Variants in DIP2C observed in about 807,000 individuals in gnomAD.
DIP2C encodes the protein DIP2 acetate--CoA ligase C (putative).
Under a neutral mutation model 192.4 loss-of-function variants are expected in DIP2C, and 33 were observed. The ratio of observed to expected loss-of-function variants is 0.17; its 90% confidence interval spans 0.13 to 0.23. The LOEUF (loss-of-function observed/expected upper bound fraction) is 0.23, where lower values mean the gene tolerates loss of function less well. DIP2C is among the 10% of genes least tolerant of loss of function. DIP2C has a pLI of 1.00. For missense variants in DIP2C, 1,537 were observed against 2,110.1 expected, an observed-to-expected ratio of 0.73 and a Z score of 5.32; for synonymous variants, 979 against 864.1, an observed-to-expected ratio of 1.13 and a Z score of -2.33.
intron 17 of DIP2C, among the ~76,000 whole-genome samples, chr10:377,049 G>A (rs956439781): frequency 4.6e-5 from 7 of 152,008 alleles, no homozygotes; most frequent in African/African-American, 7.2e-5. Context: ...CAGGAGCAAT[G>A]CATGCCCACT....
chr10:606,885 G>A (rs922315315), intron 1 of DIP2C, among the ~76,000 whole-genome samples: 12 of 152,184 alleles, frequency 7.9e-5, no homozygotes, highest in African/African-American at 2.9e-4. Context: ...TGAAGCTGGA[G>A]GCCTGTCATG....
At chr10:542,795 C>A (rs1848072932) in intron 1 of DIP2C, among the ~76,000 whole-genome samples, 1 of 150,432 alleles carries the variant, frequency 6.6e-6, no homozygotes, top group Non-Finnish European at 1.5e-5. Context: ...TCACCAGATC[C>A]CAGTTCTTAT....
At chr10:297,118 G>A (rs548467112) in intron 32 of DIP2C, among the ~76,000 whole-genome samples, 12 of 151,712 alleles carry the variant, frequency 7.9e-5, no homozygotes, top group South Asian at 2.1e-4. Context: ...CACTTGAACC[G>A]GGGAGGCAGA....
intron 2 of DIP2C, among the ~76,000 whole-genome samples, chr10:485,987 C>G (rs368286351): frequency 1.6e-4 from 25 of 152,328 alleles, no homozygotes; most frequent in African/African-American, 5.5e-4. Context: ...CTGCCCTTCT[C>G]AAGAATCATC....
chr10:388,107 T>C (rs942109928), intron 13 of DIP2C, among the ~76,000 whole-genome samples: 2 of 152,038 alleles, frequency 1.3e-5, no homozygotes, highest in African/African-American at 4.8e-5. Context: ...CCTTTTTCTT[T>C]AAAAGATTTC....
intron 17 of DIP2C, among the ~76,000 whole-genome samples, chr10:378,496 G>T (rs966958916): frequency 6.6e-6 from 1 of 151,958 alleles, no homozygotes; most frequent in African/African-American, 2.4e-5. Context: ...TGTGAACACA[G>T]ACATGCATAA....
At chr10:532,744 A>T (rs1342299823) in intron 1 of DIP2C, among the ~76,000 whole-genome samples, 1 of 129,990 alleles carries the variant, frequency 7.7e-6, no homozygotes, top group Non-Finnish European at 1.8e-5. Context: ...GGTGTGAGAG[A>T]GAGTATGGGT....
intron 1 of DIP2C, among the ~76,000 whole-genome samples, chr10:642,290 A>T (rs999885452): frequency 6.6e-6 from 1 of 151,946 alleles, no homozygotes; most frequent in African/African-American, 2.4e-5. Flanking sequence ...CAGGTGAAGG[A>T]TGCTGGGCCT....
intron 1 of DIP2C, chr10:650,382 G>A (rs375788699): frequency 1.1e-5 from 8 of 716,790 alleles, no homozygotes; most frequent in African/African-American, 3.5e-5. Context: ...GCCAGCCCAC[G>A]GCAGCCACAC....
chr10:584,900 A>G (rs1850914633), intron 1 of DIP2C, among the ~76,000 whole-genome samples: 1 of 117,328 alleles, frequency 8.5e-6, no homozygotes, highest in Non-Finnish European at 1.7e-5. Context: ...TCACCTCTCA[A>G]TCTCAGGGCC....
At chr10:375,047 A>G (rs973377586) in intron 17 of DIP2C, among the ~76,000 whole-genome samples, 2 of 152,222 alleles carry the variant, frequency 1.3e-5, no homozygotes, top group African/African-American at 2.4e-5. Context: ...ATATGGAAGG[A>G]GCAAAATACG....
chr10:619,541 G>GCCCGCCCTCCCGCCCTCCCACCCTCCCA, intron 1 of DIP2C, among the ~76,000 whole-genome samples: 5 of 67,962 alleles, frequency 7.4e-5, no homozygotes, highest in Admixed American at 2.8e-4. Flanking sequence ...CCGCCCGCCC[G>GCCCGCCCTCCCGCCCTCCCACCCTCCCA]CCCTCCCACC....
intron 1 of DIP2C, among the ~76,000 whole-genome samples, chr10:589,545 A>G (rs1197415056): frequency 6.6e-6 from 1 of 152,184 alleles, no homozygotes; most frequent in African/African-American, 2.4e-5. Context: ...TGGCTGTCCG[A>G]TAATTCCAGC....
chr10:544,796 G>C (rs1364688339), intron 1 of DIP2C, among the ~76,000 whole-genome samples: 1 of 151,736 alleles, frequency 6.6e-6, no homozygotes, highest in Non-Finnish European at 1.5e-5. Flanking sequence ...TCATTGCTGA[G>C]TAAGTTTTTA....
chr10:456,124 C>T (rs1193979526), intron 3 of DIP2C, among the ~76,000 whole-genome samples: 5 of 93,930 alleles, frequency 5.3e-5, no homozygotes, highest in Non-Finnish European at 1.0e-4. Context: ...TGAGGGGAGG[C>T]CGTGAGGAGT....
At chr10:445,643 G>A (rs531371023) in intron 3 of DIP2C, among the ~76,000 whole-genome samples, 1 of 113,600 alleles carries the variant, frequency 8.8e-6, no homozygotes, top group African/African-American at 8.7e-5. Flanking sequence ...TCTTGCACTG[G>A]GCATCTGTAT....
chr10:577,137 T>C (rs1272944471), intron 1 of DIP2C, among the ~76,000 whole-genome samples: 1 of 152,172 alleles, frequency 6.6e-6, no homozygotes, highest in East Asian at 1.9e-4. Context: ...CATAAATGAG[T>C]AAGTTCCAGT....
At chr10:383,963 G>GA (rs5782550) in intron 16 of DIP2C, 64 bp downstream of exon 16, 431 of 1,178,060 alleles carry the variant, frequency 3.7e-4, no homozygotes, top group Middle Eastern at 1.3e-3. Context: ...CCTGCCTCAC[G>GA]AAAAAAAAAA....
At position 552,113 on chromosome 10, in the gene DIP2C, C is replaced by T. The variant is rs548543609; in HGVS notation, c.86-65583G>A. ...AATCTAAGCTGGGTTGCTGGAGAGACACACTCTGTTGTAACTGACGGAGGC... is the reference window on the plus strand; with the variant it reads ...AATCTAAGCTGGGTTGCTGGAGAGATACACTCTGTTGTAACTGACGGAGGC... On this transcript the variant is annotated intron_variant, in intron 1 of 36. Coordinates refer to ENST00000280886, the MANE Select transcript of DIP2C (RefSeq NM_014974.3). 2.0e-5 allele frequency among the ~76,000 whole-genome samples: 3 copies of T among 152,342 alleles called. No homozygotes were observed. The East Asian group carries it at 5.8e-4, about 29-fold the overall frequency.
Sources: gnomAD v4.1 joint callset for allele counts (sites outside exome capture counted in the v4.1 genomes callset) on GRCh38, gnomAD v4.1.1 for gene constraint, MANE v1.5 for transcripts, NCBI Gene and HGNC (gene_info 2026-07-23, HGNC 2026-07-21) for gene names.